The following NCOR2 variants were observed in gnomAD, a reference collection of about 807,000 sequenced individuals.
The protein encoded by NCOR2 is nuclear receptor corepressor 2.
NCOR2 carries 81 observed loss-of-function variants against 262.9 expected under a neutral mutation model. The observed-to-expected ratio is 0.31, with a 90% CI of 0.26 to 0.37. NCOR2 has a LOEUF of 0.37. NCOR2 is among the 10% of genes least tolerant of loss of function. NCOR2 has a pLI of 1.00. For synonymous variants in NCOR2, 1,659 were observed against 1,559.3 expected, an observed-to-expected ratio of 1.06 and a Z score of -1.51; for missense variants, 3,385 against 3,621.4, an observed-to-expected ratio of 0.93 and a Z score of 1.68.
At chr12:124,429,326 T>TC (rs915996320) in intron 10 of NCOR2, 59 of 457,452 alleles carry the variant, frequency 1.3e-4, no homozygotes, top group Non-Finnish European at 4.4e-5. Flanking sequence ...AGGGTCCTCG[T>TC]CCCCCAACCC....
intron 13 of NCOR2, among the ~76,000 whole-genome samples, chr12:124,403,839 A>T (rs1461793492): frequency 6.6e-6 from 1 of 152,188 alleles, no homozygotes; most frequent in Non-Finnish European, 1.5e-5. Context: ...TGCTGCAGGC[A>T]ACCGTGGGCT....
exon 45 of NCOR2, chr12:124,327,594 G>C (rs2034787936): frequency 2.5e-6 from 4 of 1,612,582 alleles, no homozygotes; most frequent in Non-Finnish European, 3.4e-6. Flanking sequence ...GTTGGTGCTG[G>C]CATGTTCCTG....
chr12:124,527,601 A>G lies in NCOR2; in HGVS notation c.-118+7964T>C, dbSNP rs189644344. Among the ~76,000 whole-genome samples, 674 of 152,154 alleles carry G rather than the reference A, an allele frequency of 4.4e-3. 4 individuals carry two copies. The highest frequency in any genetic ancestry group is 0.016 in the African/African-American group (651 of 41,502). On this transcript the variant is annotated intron_variant, in intron 1 of 46. Transcript: ENST00000404621. ...CCCGGCTAATTCTTCTGTTTTTATTAGAGACGGGGTTTCACCATGTTGGCC... is the reference window on the plus strand; with the variant it reads ...CCCGGCTAATTCTTCTGTTTTTATTGGAGACGGGGTTTCACCATGTTGGCC...
At chr12:124,420,685 G>A (rs1005074204) in intron 12 of NCOR2, among the ~76,000 whole-genome samples, 1 of 152,224 alleles carries the variant, frequency 6.6e-6, no homozygotes, top group South Asian at 2.1e-4. Context: ...CAAATGGGAC[G>A]AGTAAAAGGG....
intron 6 of NCOR2, among the ~76,000 whole-genome samples, chr12:124,456,500 C>G (rs2136549140): frequency 6.6e-6 from 1 of 152,338 alleles, no homozygotes; most frequent in Admixed American, 6.5e-5. Context: ...GCCATCATCG[C>G]CATCATCGCC....
Position 124,359,735 on chromosome 12 carries a change from C to T in NCOR2, c.3100+2391G>A, listed in dbSNP as rs953548705. Among the ~76,000 whole-genome samples the T allele has an allele frequency of 1.5e-4, 23 of 152,336 alleles. 1 individual carries two copies. The highest frequency in any genetic ancestry group is 2.4e-4 in the Non-Finnish European group (16 of 68,022). ...CAAACTGGGGCTAGGCCAGGCTGGG[C>T]GGGCGGCCGAGAGCCTGGAGAGACA... is the stretch of plus-strand genomic sequence containing the variant. On this transcript the variant is annotated intron_variant, in intron 22 of 46. Transcript: ENST00000405201.
chr12:124,348,028 A>T, intron 29 of NCOR2, 117 bp from the exon 32 acceptor site: 1 of 1,455,052 alleles, frequency 6.9e-7, no homozygotes. Context: ...GTGGAGTAGG[A>T]CCCAGCACGG....
intron 13 of NCOR2, among the ~76,000 whole-genome samples, chr12:124,409,542 C>T (rs1028546179): frequency 6.6e-6 from 1 of 152,216 alleles, no homozygotes; most frequent in African/African-American, 2.4e-5. Flanking sequence ...AACACTCTCT[C>T]AAATTGCCAT....
chr12:124,368,221 G>A (rs1184156514), intron 20 of NCOR2, among the ~76,000 whole-genome samples: 1 of 152,204 alleles, frequency 6.6e-6, no homozygotes, highest in Non-Finnish European at 1.5e-5. Flanking sequence ...CGAGTGGGTC[G>A]GGCCACCTTC....
intron 38 of NCOR2, chr12:124,336,360 C>G (rs1256060452): frequency 1.1e-5 from 2 of 180,954 alleles, no homozygotes; most frequent in African/African-American, 2.4e-5. Flanking sequence ...GGGGCGCAGT[C>G]GAAGTCAGAA....
chr12:124,479,158 A>T (rs1159585679), intron 3 of NCOR2, among the ~76,000 whole-genome samples: 1 of 152,220 alleles, frequency 6.6e-6, no homozygotes. Context: ...CCTGGGGGAC[A>T]ACTGCCCACT....
chr12:124,374,554 G>T (rs1159035309), intron 18 of NCOR2, 91 bp from the exon 21 acceptor site: 39 of 1,253,186 alleles, frequency 3.1e-5, no homozygotes, highest in Non-Finnish European at 3.9e-5. Flanking sequence ...GGGGCCTGAA[G>T]CCCAGTGCAC....
At position 124,402,372 on chromosome 12, in the gene NCOR2, C is replaced by T. The variant is rs368502092; in HGVS notation, c.1640+32G>A. On this transcript the variant is annotated intron_variant, in intron 14 of 46. Transcript: ENST00000405201. Reference sequence around the variant, plus strand: ...GTGCCACCCGGGTTGGGTCAGCGGCCGGGCCCTGCAGGGGACAGCAGGCTG... The same window carrying T: ...GTGCCACCCGGGTTGGGTCAGCGGCTGGGCCCTGCAGGGGACAGCAGGCTG... 287 of 1,611,292 alleles carry T rather than the reference C, an allele frequency of 1.8e-4. 1 individual carries two copies. The highest frequency in any genetic ancestry group is 4.5e-4 in the East Asian group (20 of 44,804).
At chr12:124,348,081 A>G in intron 29 of NCOR2, 93 bp downstream of exon 31, 3 of 1,572,124 alleles carry the variant, frequency 1.9e-6, no homozygotes, top group Non-Finnish European at 2.6e-6. Context: ...CAGAAAGCCC[A>G]GCCTCGGTTT....
At chr12:124,502,991 T>C (rs535071926) in intron 1 of NCOR2, among the ~76,000 whole-genome samples, 12 of 152,248 alleles carry the variant, frequency 7.9e-5, no homozygotes, top group African/African-American at 2.9e-4. Context: ...TTCCACTCCC[T>C]AAGGAAGAGC....
At chr12:124,506,444 C>T (rs188296817) in intron 1 of NCOR2, among the ~76,000 whole-genome samples, 119 of 152,226 alleles carry the variant, frequency 7.8e-4, no homozygotes, top group Admixed American at 2.4e-3. Context: ...TCCCCCGCCA[C>T]GGCGAAGTAT....
rs1426944743 is a variant in NCOR2, at chr12:124,443,443, G to A, written c.816-5447C>T. ...CAGGGTGCAAACTGCACAGTGCACAGGCCAGAGACAGCCTCTGAGGGTGTT... is the reference window on the plus strand; with the variant it reads ...CAGGGTGCAAACTGCACAGTGCACAAGCCAGAGACAGCCTCTGAGGGTGTT... On this transcript the variant is annotated intron_variant, in intron 7 of 46. Transcript: ENST00000405201. This position sits in a 1 kb window ranked among gnomAD's most constrained non-coding sequence, Gnocchi z 4.4. Among the ~76,000 whole-genome samples the A allele has an allele frequency of 1.3e-5, 2 of 152,232 alleles. No individual in the cohort carries two copies. Among genetic ancestry groups the A allele is most frequent in the Non-Finnish European group, 2.9e-5 (2 of 68,044 alleles).
Position 124,504,415 on chromosome 12 carries a change from T to C in NCOR2, c.-117-9047A>G, listed in dbSNP as rs1400165763. Among the ~76,000 whole-genome samples the C allele has an allele frequency of 6.6e-6, 1 of 152,160 alleles. No individual in the cohort carries two copies. Among genetic ancestry groups the C allele is most frequent in the African/African-American group, 2.4e-5 (1 of 41,432 alleles). On this transcript the variant is annotated intron_variant, in intron 1 of 46. Transcript: ENST00000404621. The surrounding 1 kb of genome is among the most constrained non-coding windows in gnomAD (Gnocchi z 4.5). ...ATTTGGAATGTCTGGCTTCTCCTAA[T>C]GAGGGCTGCTCACACATTGCGGGTG...
rs2050296886 is a variant in NCOR2, at chr12:124,523,459, G to A, written c.-118+12106C>T. Among the ~76,000 whole-genome samples the A allele has an allele frequency of 6.6e-6, 1 of 152,124 alleles. No homozygotes were observed. The highest frequency in any genetic ancestry group is 1.5e-5 in the Non-Finnish European group (1 of 68,026). On this transcript the variant is annotated intron_variant, in intron 1 of 46. Coordinates refer to the NCOR2 transcript ENST00000404621. The surrounding 1 kb of genome is among the most constrained non-coding windows in gnomAD (Gnocchi z 4.0). ...GGATCCCAGGGACCTAACCCGGGAA[G>A]GACACATCACGCCGGCCAGCATCAC... is the stretch of plus-strand genomic sequence containing the variant.
Sources: gnomAD v4.1 joint callset for allele counts (sites outside exome capture counted in the v4.1 genomes callset) on GRCh38, gnomAD v4.1.1 for gene constraint, Gnocchi (gnomAD v3.1) non-coding constraint, MANE v1.5 for transcripts, NCBI Gene and HGNC (gene_info 2026-07-23, HGNC 2026-07-21) for gene names.